FGD3: variants seen among roughly 807,000 people sequenced by gnomAD.
The protein encoded by FGD3 is FYVE, RhoGEF and PH domain-containing protein 3.
In FGD3, 45 loss-of-function variants were observed where a neutral mutation model predicts 71.8. The observed-to-expected ratio is 0.63, with a 90% CI of 0.49 to 0.80. The LOEUF (loss-of-function observed/expected upper bound fraction) is 0.80, where lower values mean the gene tolerates loss of function less well. Ranked by LOEUF, FGD3 falls within the 30% of genes least tolerant of loss-of-function variation. The pLI is 0.00. For synonymous variants in FGD3, 378 were observed against 392.8 expected, an observed-to-expected ratio of 0.96 and a Z score of 0.44; for missense variants, 844 against 951.5, an observed-to-expected ratio of 0.89 and a Z score of 1.49.
Position 92,984,923 on chromosome 9 carries a change from A to G in FGD3, c.453+8214A>G, listed in dbSNP as rs954745343. On this transcript the variant is annotated intron_variant, in intron 3 of 17. Coordinates refer to ENST00000375482, the MANE Select transcript of FGD3 (RefSeq NM_001083536.2). ...CAGAGTAGGCAGCTCTTGAACCCAA[A>G]GGGAAATTTATAATTTTATTTGCTG... 2.6e-5 allele frequency among the ~76,000 whole-genome samples: 4 copies of G among 152,038 alleles called. No homozygotes were observed. In the East Asian group the frequency reaches 7.7e-4, roughly 29 times the overall value.
At chr9:92,991,374 C>T (rs753726502) in intron 3 of FGD3, among the ~76,000 whole-genome samples, 2 of 152,270 alleles carry the variant, frequency 1.3e-5, no homozygotes, top group South Asian at 2.1e-4. Flanking sequence ...CCATTGCACC[C>T]GGCCCTTAAA....
At chr9:92,964,331 A>T (rs1335062410) in intron 1 of FGD3, 1 of 152,178 alleles carries the variant, frequency 6.6e-6, no homozygotes, top group Non-Finnish European at 1.5e-5. Context: ...CAGAGGAGAA[A>T]CTCGCTCGCC....
rs192176111 is a variant in FGD3, at chr9:92,986,359, G to C, written c.453+9650G>C. Among the ~76,000 whole-genome samples the C allele has an allele frequency of 7.4e-3, 1,132 of 152,278 alleles. 9 individuals carry two copies. Among genetic ancestry groups the C allele is most frequent in the Non-Finnish European group, 0.011 (758 of 68,028 alleles). Reference sequence around the variant, plus strand: ...CTGTTTTTCAGCTAACTGCCACAAGGGGGCTGACTCCCCTGCCTTTGAATA... The same window carrying C: ...CTGTTTTTCAGCTAACTGCCACAAGCGGGCTGACTCCCCTGCCTTTGAATA... On this transcript the variant is annotated intron_variant, in intron 3 of 17. Transcript: ENST00000375482.
At chr9:93,014,374 C>T (rs1861574280) in intron 9 of FGD3, among the ~76,000 whole-genome samples, 2 of 152,090 alleles carry the variant, frequency 1.3e-5, no homozygotes, top group African/African-American at 4.8e-5. Context: ...CAAACCCTGG[C>T]CGGGAGGGAG....
At position 93,010,674 on chromosome 9, in the gene FGD3, AACAG is replaced by A. The variant is rs200492458; in HGVS notation, c.976+296_976+299del. ...GGAGGGGGAGAGAGAGGGATGGAGA[AACAG>A]ACAGAGGGGAGGAGAGAGAGACACA... On this transcript the variant is annotated intron_variant, in intron 7 of 17. Transcript: ENST00000375482. Among the ~76,000 whole-genome samples, 242 of 40,832 alleles carry A rather than the reference AACAG, an allele frequency of 5.9e-3. 10 individuals are homozygous for A. The highest frequency in any genetic ancestry group is 0.04 in the African/African-American group (228 of 5,714). The allele number at this position is 40,832 out of a possible 152,430, so 26.8% of individuals were successfully genotyped here.
intron 8 of FGD3, among the ~76,000 whole-genome samples, chr9:93,011,488 A>G (rs1048472259): frequency 2.6e-5 from 4 of 152,152 alleles, no homozygotes; most frequent in Admixed American, 1.3e-4. Context: ...TTAGCACTCT[A>G]TGCCTTAGTT....
intron 3 of FGD3, among the ~76,000 whole-genome samples, chr9:92,999,264 CT>C (rs2118681917): frequency 6.6e-6 from 1 of 152,336 alleles, no homozygotes; most frequent in South Asian, 2.1e-4. Context: ...GCGTGGGACC[CT>C]CTGAGCCAGG....
At chr9:93,027,344 A>G (rs1030830858) in intron 14 of FGD3, among the ~76,000 whole-genome samples, 1 of 152,170 alleles carries the variant, frequency 6.6e-6, no homozygotes, top group African/African-American at 2.4e-5. Flanking sequence ...CTGAGGCTGA[A>G]GTCTGAGATC....
At chr9:93,020,664 T>A in intron 13 of FGD3, 1 of 481,794 alleles carries the variant, frequency 2.1e-6, no homozygotes, top group Non-Finnish European at 3.8e-6. Context: ...CTACAACCCC[T>A]GAGACCAGAA....
intron 1 of FGD3, among the ~76,000 whole-genome samples, chr9:92,973,380 G>T (rs1859608958): frequency 6.6e-6 from 1 of 152,160 alleles, no homozygotes; most frequent in South Asian, 2.1e-4. Context: ...CTCCTAAAGT[G>T]CTGGGATTAC....
intron 3 of FGD3, among the ~76,000 whole-genome samples, chr9:92,991,557 G>A (rs1417256786): frequency 6.6e-6 from 1 of 152,186 alleles, no homozygotes; most frequent in South Asian, 2.1e-4. Context: ...TCTGAGGCTT[G>A]TTTTGTGTCC....
At chr9:93,022,023 T>TA (rs1300767528) in intron 13 of FGD3, among the ~76,000 whole-genome samples, 2 of 152,108 alleles carry the variant, frequency 1.3e-5, no homozygotes, top group African/African-American at 2.4e-5. Flanking sequence ...GGACCCTCCT[T>TA]ACTCACTGGG....
chr9:92,956,417 G>C (rs2118504107), intron 1 of FGD3, among the ~76,000 whole-genome samples: 1 of 152,302 alleles, frequency 6.6e-6, no homozygotes, highest in South Asian at 2.1e-4. Context: ...CTGTGTTGGA[G>C]ACAGGGCCTT....
intron 7 of FGD3, among the ~76,000 whole-genome samples, chr9:93,010,712 G>A (rs1861303068): frequency 6.8e-6 from 1 of 148,110 alleles, no homozygotes; most frequent in Non-Finnish European, 1.5e-5. Context: ...CACAGAGACA[G>A]AGGAAGGAGG....
At position 93,011,254 on chromosome 9, in the gene FGD3, T is replaced by C. The variant is rs1423143931; in HGVS notation, c.1017T>C (p.Asn339=). The C allele has an allele frequency of 1.2e-6, 2 of 1,614,148 alleles. No homozygotes were observed. ...TCTCCACAGCCGCCAACCACTCCAA[T>C]GCTGCCATTCGGAAAGTGGTGAGTG... ...ELISTAANHS[N]AAIRKVEKMH... is the part of the protein sequence containing the mutation. Residue 339 remains asparagine (N), a synonymous_variant, in exon 8 of 18, where the codon AAT becomes AAC. Coordinates refer to ENST00000375482, the MANE Select transcript of FGD3 (RefSeq NM_001083536.2).
At chr9:93,034,881 C>T (rs1862530947) in intron 17 of FGD3, among the ~76,000 whole-genome samples, 200 bp downstream of exon 17, 1 of 152,142 alleles carries the variant, frequency 6.6e-6, no homozygotes, top group Non-Finnish European at 1.5e-5. Flanking sequence ...TGGGTGGACC[C>T]CAGAGCCAGC....
At chr9:92,956,754 G>A (rs990904783) in intron 1 of FGD3, among the ~76,000 whole-genome samples, 2 of 151,908 alleles carry the variant, frequency 1.3e-5, no homozygotes, top group African/African-American at 4.8e-5. Flanking sequence ...TCTGACTTCA[G>A]AAACTAGTTC....
At position 92,992,078 on chromosome 9, in the gene FGD3, T is replaced by A. The variant is rs1390067742; in HGVS notation, c.454-10847T>A. On this transcript the variant is annotated intron_variant, in intron 3 of 17. Coordinates refer to ENST00000375482, the MANE Select transcript of FGD3 (RefSeq NM_001083536.2). Reference sequence around the variant, plus strand: ...GAGTTTCTTGTGGACAGCATATAGTTGGGTCTTGGTTTGTTAATCCATTCA... The same window carrying A: ...GAGTTTCTTGTGGACAGCATATAGTAGGGTCTTGGTTTGTTAATCCATTCA... 2.6e-5 allele frequency among the ~76,000 whole-genome samples: 4 copies of A among 152,206 alleles called. No homozygotes were observed. In the East Asian group the frequency reaches 7.7e-4, roughly 29 times the overall value.
chr9:92,981,325 G>A (rs566290299), intron 3 of FGD3, among the ~76,000 whole-genome samples: 4 of 140,474 alleles, frequency 2.8e-5, no homozygotes, highest in Admixed American at 7.8e-5. Context: ...CTGATATCGC[G>A]CCACTGCACT....
Sources: allele counts gnomAD v4.1 joint callset (sites outside exome capture counted in the v4.1 genomes callset), GRCh38; gene constraint gnomAD v4.1.1; transcripts MANE v1.5; gene names NCBI Gene and HGNC (gene_info 2026-07-23, HGNC 2026-07-21).